Variants in OR2C1 observed in about 807,000 individuals in gnomAD.
The protein encoded by OR2C1 is olfactory receptor 2C1.
For synonymous variants in OR2C1, 209 were observed against 167.3 expected (o/e 1.25, Z -1.92); for missense variants, 468 against 388.3 (o/e 1.21, Z -1.73).
At chr16:3,341,046 G>A in the OR2C1 span, among the ~76,000 whole-genome samples, 1 of 151,468 alleles carries the variant, frequency 6.6e-6, no homozygotes, top group African/African-American at 2.4e-5. Context: ...ACTTTGGGGA[G>A]TATTGTCATA....
At chr16:3,351,596 A>C (rs140980878), upstream of OR2C1, among the ~76,000 whole-genome samples, 254 of 152,272 alleles carry the variant, frequency 1.7e-3, 1 homozygote, top group Non-Finnish European at 2.9e-3. Flanking sequence ...CTGTTCTCTA[A>C]AAATCTGTGT....
chr16:3,346,503 GAAAC>G, the OR2C1 span, among the ~76,000 whole-genome samples: 2 of 151,802 alleles, frequency 1.3e-5, no homozygotes, highest in Admixed American at 1.3e-4. Flanking sequence ...ACCTCAACTG[GAAAC>G]AAACAAACAA....
chr16:3,356,301 G>T lies in OR2C1; in HGVS notation c.361G>T (p.Asp121Tyr). Reference protein sequence around the residue: ...ECILLVVMAFDRYVAVCRPLR... With the variant: ...ECILLVVMAFYRYVAVCRPLR... ...CATCCTGCTGGTGGTGATGGCATTTGACCGCTACGTGGCAGTGTGCCGGCC... is the reference window on the plus strand; with the variant it reads ...CATCCTGCTGGTGGTGATGGCATTTTACCGCTACGTGGCAGTGTGCCGGCC... The change falls in exon 1 of 1, where the codon GAC becomes TAC. Residue 121 changes from aspartate (D) to tyrosine (Y), a missense_variant. Physicochemically the swap from Asp to Tyr is radical, Grantham distance 160. Coordinates refer to ENST00000304936, the MANE Select transcript of OR2C1 (RefSeq NM_012368.3). The T allele has an allele frequency of 1.2e-6, 2 of 1,613,372 alleles. No individual in the cohort carries two copies. Among genetic ancestry groups the T allele is most frequent in the South Asian group, 2.2e-5 (2 of 91,054 alleles).
At chr16:3,347,321 G>T in the OR2C1 span, among the ~76,000 whole-genome samples, 1 of 149,766 alleles carries the variant, frequency 6.7e-6, no homozygotes, top group Non-Finnish European at 1.5e-5. Context: ...CCTGAGCCCA[G>T]GAATTGGAGG....
upstream of OR2C1, among the ~76,000 whole-genome samples, chr16:3,354,071 C>G (rs1281065516): frequency 2.6e-5 from 4 of 151,514 alleles, no homozygotes; most frequent in African/African-American, 9.7e-5. Context: ...GCAACTTCCG[C>G]CTCCCTGTTT....
chr16:3,347,828 GCA>G, the OR2C1 span, among the ~76,000 whole-genome samples: 1 of 96,986 alleles, frequency 1.0e-5, no homozygotes, highest in African/African-American at 3.2e-5. Flanking sequence ...GAACACACAT[GCA>G]CACACATACA....
rs1457776473 is a variant in OR2C1 at position 3,356,993 on chromosome 16, CCTGACAGCCCTAAG to C, written c.*132_*145del. Reference sequence around the variant, plus strand: ...AATTCCGGTAAAACCAAGGCATGTTCCTGACAGCCCTAAGCTGACAGCCCTAAGCTGTTGGGAAC... The same window carrying C: ...AATTCCGGTAAAACCAAGGCATGTTCCTGACAGCCCTAAGCTGTTGGGAAC... On this transcript the variant is annotated 3_prime_UTR_variant, in exon 1 of 1. Transcript: ENST00000304936. 3.8e-5 allele frequency: 34 copies of C among 895,404 alleles called. No homozygotes were observed. The highest frequency in any genetic ancestry group is 3.5e-4 in the East Asian group (13 of 37,560). The allele number at this position is 895,404 out of a possible 1,614,324, so 55.5% of individuals were successfully genotyped here.
chr16:3,325,463 AT>A, the OR2C1 span, among the ~76,000 whole-genome samples: 392 of 79,296 alleles, frequency 4.9e-3, 6 homozygotes, highest in African/African-American at 0.011. Flanking sequence ...GTCTAAAAAT[AT>A]ATATATATAT....
chr16:3,356,373 G>T lies in OR2C1; in HGVS notation c.433G>T (p.Ala145Ser). ...IMNPQLCWLL[A>S]VIACLGGLGN... ...GAACCCCCAGCTCTGCTGGCTGCTG[G>T]CTGTGATTGCCTGCCTGGGTGGCTT... The change falls in exon 1 of 1, where the codon GCT (alanine) becomes TCT (serine). Residue 145 changes from alanine (A) to serine (S), a missense_variant. Transcript: ENST00000304936. The T allele has an allele frequency of 6.2e-7, 1 of 1,613,692 alleles. No homozygotes were observed.
chr16:3,327,360 C>G, the OR2C1 span, among the ~76,000 whole-genome samples: 1 of 152,102 alleles, frequency 6.6e-6, no homozygotes, highest in Non-Finnish European at 1.5e-5. Context: ...TCTTGACAAT[C>G]TCTGCCCTAA....
upstream of OR2C1, among the ~76,000 whole-genome samples, chr16:3,353,489 CAAAAAAAA>C (rs58703245): frequency 1.2e-5 from 1 of 82,974 alleles, no homozygotes; most frequent in Non-Finnish European, 2.3e-5. Context: ...GACTCCGTCT[CAAAAAAAA>C]AAAAAAAAAA....
At chr16:3,337,676 G>A in the OR2C1 span, among the ~76,000 whole-genome samples, 9 of 152,054 alleles carry the variant, frequency 5.9e-5, no homozygotes, top group African/African-American at 2.2e-4. Context: ...TGACCATTGA[G>A]TTTCCTTAGA....
At chr16:3,344,537 C>G in the OR2C1 span, among the ~76,000 whole-genome samples, 1 of 152,040 alleles carries the variant, frequency 6.6e-6, no homozygotes, top group Non-Finnish European at 1.5e-5. Context: ...ACCATCCTGG[C>G]TAACATGGTG....
chr16:3,328,420 A>G, the OR2C1 span, among the ~76,000 whole-genome samples: 1 of 152,208 alleles, frequency 6.6e-6, no homozygotes, highest in East Asian at 1.9e-4. Flanking sequence ...GCCTAAGTTT[A>G]CTCCCTAAAA....
In OR2C1 at chr16:3,357,294, AT is replaced by A. The variant is rs1392449760; in HGVS notation, c.*417del. On this transcript the variant is annotated 3_prime_UTR_variant, in exon 1 of 1. Transcript: ENST00000304936. ...ATAATTCCATAAAATCAAGCCATGT[AT>A]TATTAACTTCATATGAAGACCCAAA... 1 of 174,812 alleles carries A rather than the reference AT, an allele frequency of 5.7e-6. No individual in the cohort carries two copies. Among genetic ancestry groups the A allele is most frequent in the East Asian group, 1.8e-4 (1 of 5,630 alleles). The allele number at this position is 174,812 out of a possible 1,614,324, so 10.8% of individuals were successfully genotyped here. A position where few individuals can be genotyped will look rare whatever the true frequency, so the allele number is the denominator to read the frequency against.
In OR2C1 at chr16:3,356,625, C is replaced by T. The variant is rs999982231; in HGVS notation, c.685C>T (p.Arg229Cys). The change falls in exon 1 of 1, where the codon CGC becomes TGC. Residue 229 changes from arginine (R) to cysteine (C), a missense_variant. Coordinates refer to ENST00000304936, the MANE Select transcript of OR2C1 (RefSeq NM_012368.3). ...CLIAQAVLKIRSAEGRRKAFN... is the reference protein window; with the variant it reads ...CLIAQAVLKICSAEGRRKAFN... ...CATTGCTCAGGCAGTGCTGAAAATC[C>T]GCTCTGCAGAGGGGAGGCGAAAGGC... The T allele has an allele frequency of 1.5e-5, 25 of 1,614,034 alleles. No individual in the cohort carries two copies. Among genetic ancestry groups the T allele is most frequent in the South Asian group, 3.3e-5 (3 of 91,092 alleles).
At position 3,356,350 on chromosome 16, in the gene OR2C1, AC is replaced by A; in HGVS notation, c.415del (p.Gln139SerfsTer8). On this transcript the variant is annotated frameshift_variant, in exon 1 of 1. Coordinates refer to ENST00000304936, the MANE Select transcript of OR2C1 (RefSeq NM_012368.3). LOFTEE classifies it low-confidence loss of function (END_TRUNC). ...CRPLRYTAIM[N>X]PQLCWLLAVI... is the part of the protein sequence containing the mutation. ...CCCCTCCGCTACACCGCCATCATGA[AC>A]CCCCAGCTCTGCTGGCTGCTGGCTG... 2 of 1,613,244 alleles carry A rather than the reference AC, an allele frequency of 1.2e-6. No individual in the cohort carries two copies. The highest frequency in any genetic ancestry group is 4.5e-5 in the East Asian group (2 of 44,874).
the OR2C1 span, among the ~76,000 whole-genome samples, chr16:3,339,805 C>G: frequency 6.6e-6 from 1 of 152,128 alleles, no homozygotes; most frequent in Non-Finnish European, 1.5e-5. Flanking sequence ...TTTCTCTACA[C>G]TTATTATTTT....
At chr16:3,338,538 C>CT in the OR2C1 span, among the ~76,000 whole-genome samples, 1,282 of 103,348 alleles carry the variant, frequency 0.012, 75 homozygotes, top group Non-Finnish European at 0.015. Context: ...GTATAGGTAC[C>CT]TTTTTTTTTT....
Sources: gnomAD v4.1 joint callset for allele counts (sites outside exome capture counted in the v4.1 genomes callset) on GRCh38, gnomAD v4.1.1 for gene constraint, MANE v1.5 for transcripts, NCBI Gene and HGNC (gene_info 2026-07-23, HGNC 2026-07-21) for gene names.